Variants in FOCAD observed in about 807,000 individuals in gnomAD.
FOCAD encodes the protein KIAA1797.
FOCAD carries 198 observed loss-of-function variants against 225.6 expected under a neutral mutation model. The observed-to-expected ratio is 0.88, with a 90% CI of 0.78 to 0.99. The LOEUF (loss-of-function observed/expected upper bound fraction) is 0.99. FOCAD is among the 50% of genes least tolerant of loss of function. FOCAD has a pLI of 0.00. For missense variants in FOCAD, 2,713 were observed against 2,123.6 expected (o/e 1.28, Z -5.46); for synonymous variants, 897 against 755.0 (o/e 1.19, Z -3.08).
At chr9:20,965,416 A>G (rs1200673151) in intron 35 of FOCAD, among the ~76,000 whole-genome samples, 1 of 152,180 alleles carries the variant, frequency 6.6e-6, no homozygotes, top group Non-Finnish European at 1.5e-5. Flanking sequence ...ATCAGGCGCC[A>G]AGACTGTATC....
intron 11 of FOCAD, among the ~76,000 whole-genome samples, chr9:20,800,947 T>G (rs1028812490): frequency 6.6e-6 from 1 of 152,172 alleles, no homozygotes; most frequent in African/African-American, 2.4e-5. Context: ...TTTTCAGTTT[T>G]TCTGCTCTGT....
chr9:20,855,689 C>A (rs1401719591), intron 15 of FOCAD, among the ~76,000 whole-genome samples: 1 of 151,298 alleles, frequency 6.6e-6, no homozygotes, highest in Non-Finnish European at 1.5e-5. Flanking sequence ...AAATGCTAGC[C>A]CTTATTCTCA....
At chr9:20,828,245 T>C (rs1457716646) in intron 15 of FOCAD, among the ~76,000 whole-genome samples, 1 of 152,100 alleles carries the variant, frequency 6.6e-6, no homozygotes, top group African/African-American at 2.4e-5. Flanking sequence ...ATTAGTTTGC[T>C]CCACTGTCAC....
chr9:20,978,666 T>G (rs1840421270), intron 37 of FOCAD, among the ~76,000 whole-genome samples: 1 of 152,238 alleles, frequency 6.6e-6, no homozygotes. Context: ...TAGCTACCAT[T>G]TATTACCAAA....
At chr9:20,840,111 G>A (rs1826370951) in intron 15 of FOCAD, among the ~76,000 whole-genome samples, 1 of 151,906 alleles carries the variant, frequency 6.6e-6, no homozygotes, top group African/African-American at 2.4e-5. Context: ...CAGTTTTGTT[G>A]TTTTTGCTCG....
rs1361709580 is a variant in FOCAD, at chr9:20,823,127, T to A, written c.1920+12T>A. The stretch of plus-strand genomic sequence containing the variant: ...TCTGTCAAGCTGAGGTAGGCATTTT[T>A]AAATTGCTTTGGATAATTTTGAAGA... On this transcript the variant is annotated intron_variant, in intron 15 of 43. Coordinates refer to ENST00000338382, the MANE Select transcript of FOCAD (RefSeq NM_001375567.1). 3 of 1,602,248 alleles carry A rather than the reference T, an allele frequency of 1.9e-6. No individual in the cohort carries two copies. In the Admixed American group the frequency reaches 5.2e-5, roughly 28 times the overall value.
At chr9:20,752,824 T>C (rs1828693792) in intron 5 of FOCAD, among the ~76,000 whole-genome samples, 1 of 152,058 alleles carries the variant, frequency 6.6e-6, no homozygotes. Context: ...TTGTATCCTC[T>C]TTTATTTCCT....
At chr9:20,966,069 G>A (rs1839228387) in intron 35 of FOCAD, among the ~76,000 whole-genome samples, 2 of 152,096 alleles carry the variant, frequency 1.3e-5, no homozygotes, top group South Asian at 4.2e-4. Flanking sequence ...GAATTGCTGG[G>A]TTGTATGGTA....
Position 20,963,216 on chromosome 9 carries a change from T to C in FOCAD, c.4132+10151T>C, listed in dbSNP as rs547870146. Among the ~76,000 whole-genome samples, 98 of 152,338 alleles carry C rather than the reference T, an allele frequency of 6.4e-4. 1 individual carries two copies. Among genetic ancestry groups the C allele is most frequent in the African/African-American group, 2.3e-3 (97 of 41,568 alleles). On this transcript the variant is annotated intron_variant, in intron 35 of 43. Coordinates refer to ENST00000338382, the MANE Select transcript of FOCAD (RefSeq NM_001375567.1). ...GATTTATTTCATTATTGGACTGATG[T>C]GATTTTTCAACCCTATTCTCCATTT... is the stretch of plus-strand genomic sequence containing the variant.
intron 24 of FOCAD, among the ~76,000 whole-genome samples, chr9:20,921,213 C>T (rs114044598): frequency 0.018 from 2,799 of 152,200 alleles, 92 homozygotes; most frequent in African/African-American, 0.063. Flanking sequence ...TATTGAGTCA[C>T]TTTACTAATA....
intron 32 of FOCAD, among the ~76,000 whole-genome samples, chr9:20,949,175 C>T (rs371992380): frequency 6.6e-6 from 1 of 152,100 alleles, no homozygotes; most frequent in Non-Finnish European, 1.5e-5. Context: ...GTGCTCTCCA[C>T]AAATTTCCCT....
At chr9:20,844,858 G>A (rs935661027) in intron 15 of FOCAD, among the ~76,000 whole-genome samples, 12 of 151,950 alleles carry the variant, frequency 7.9e-5, no homozygotes, top group African/African-American at 2.9e-4. Context: ...AGTGATTTTT[G>A]TTTCTCTTTC....
intron 11 of FOCAD, among the ~76,000 whole-genome samples, chr9:20,816,107 G>A (rs915425006): frequency 7.9e-5 from 12 of 151,908 alleles, no homozygotes; most frequent in Admixed American, 5.2e-4. Flanking sequence ...ACACCCTTAC[G>A]TGCTTTTTTT....
chr9:20,978,992 G>A (rs1200837046), intron 37 of FOCAD, among the ~76,000 whole-genome samples: 5 of 152,238 alleles, frequency 3.3e-5, no homozygotes, highest in African/African-American at 7.2e-5. Flanking sequence ...TGAGCAAAGC[G>A]TTGAGAAAGC....
chr9:20,932,010 A>G (rs888520308), intron 27 of FOCAD, among the ~76,000 whole-genome samples: 2 of 152,106 alleles, frequency 1.3e-5, no homozygotes, highest in African/African-American at 4.8e-5. Flanking sequence ...TTTATTCAGA[A>G]GCTGTGGAAT....
At chr9:20,677,823 C>G (rs1338233992) in intron 2 of FOCAD, among the ~76,000 whole-genome samples, 2 of 152,186 alleles carry the variant, frequency 1.3e-5, no homozygotes, top group African/African-American at 4.8e-5. Flanking sequence ...ACTGCAATCC[C>G]ACTTTTGAGT....
chr9:20,986,283 TGCAGAGCAACA>T lies in FOCAD; in HGVS notation c.4729-4_4735del. The T allele has an allele frequency of 6.8e-7, 1 of 1,476,884 alleles. No individual in the cohort carries two copies. The allele number at this position is 1,476,884 out of a possible 1,614,324, so 91.5% of individuals were successfully genotyped here. A position where few individuals can be genotyped will look rare whatever the true frequency, so the allele number is the denominator to read the frequency against. On this transcript the variant is annotated splice_acceptor_variant and splice_polypyrimidine_tract_variant and coding_sequence_variant and intron_variant, in exon 40 of 44. Transcript: ENST00000338382. LOFTEE classifies it high-confidence loss of function. ...ACTAAACAATTTTTTTTTTTTTTTTTGCAGAGCAACATAGAAAAAGCTGCCTTTGTCAAACT... is the reference window on the plus strand; with the variant it reads ...ACTAAACAATTTTTTTTTTTTTTTTTTAGAAAAAGCTGCCTTTGTCAAACT...
chr9:20,804,839 A>G (rs1230406291), intron 11 of FOCAD, among the ~76,000 whole-genome samples: 1 of 150,426 alleles, frequency 6.6e-6, no homozygotes, highest in Non-Finnish European at 1.5e-5. Context: ...TGCTGCTTGC[A>G]TGTAGGAAAA....
chr9:20,952,052 A>C (rs2132384556), intron 34 of FOCAD, among the ~76,000 whole-genome samples: 1 of 152,344 alleles, frequency 6.6e-6, no homozygotes, highest in Admixed American at 6.5e-5. Flanking sequence ...AGCTAAAGTT[A>C]CCATATTAAA....
Sources: gnomAD v4.1 joint callset for allele counts (sites outside exome capture counted in the v4.1 genomes callset) on GRCh38, gnomAD v4.1.1 for gene constraint, MANE v1.5 for transcripts, NCBI Gene and HGNC (gene_info 2026-07-23, HGNC 2026-07-21) for gene names.